Variants in ITGA9 observed in about 807,000 individuals in gnomAD.
ITGA9 encodes the protein integrin alpha-9.
A neutral mutation model predicts 127.8 loss-of-function variants in ITGA9; 56 were observed. That is an observed-to-expected ratio of 0.44 (90% confidence interval 0.35 to 0.55). The LOEUF is 0.55. Ranked by LOEUF, ITGA9 falls within the 20% of genes least tolerant of loss-of-function variation. The pLI is 0.00. For synonymous variants in ITGA9, 508 were observed against 514.5 expected (o/e 0.99, Z 0.17); for missense variants, 1,196 against 1,347.1 (o/e 0.89, Z 1.76).
chr3:37,645,941 C>A (rs552834599), intron 16 of ITGA9, among the ~76,000 whole-genome samples: 5 of 152,288 alleles, frequency 3.3e-5, no homozygotes, highest in African/African-American at 1.2e-4. Flanking sequence ...GGACACTGAG[C>A]TGCTATTTCT....
At chr3:37,676,849 C>G (rs1004811098) in intron 17 of ITGA9, among the ~76,000 whole-genome samples, 1 of 152,192 alleles carries the variant, frequency 6.6e-6, no homozygotes, top group African/African-American at 2.4e-5. Flanking sequence ...CTGCCCCTTT[C>G]CATGTTATTT....
At chr3:37,576,318 T>C (rs1312907536) in intron 15 of ITGA9, among the ~76,000 whole-genome samples, 1 of 152,242 alleles carries the variant, frequency 6.6e-6, no homozygotes, top group African/African-American at 2.4e-5. Flanking sequence ...GTAACTTTCC[T>C]GCAGATGCAC....
intron 1 of ITGA9, 144 bp from the exon 2 acceptor site, chr3:37,470,863 C>G: frequency 2.4e-6 from 2 of 819,188 alleles, no homozygotes; most frequent in African/African-American, 1.7e-5. Flanking sequence ...GACCTCTCCC[C>G]CAAGCCCACA....
intron 16 of ITGA9, among the ~76,000 whole-genome samples, chr3:37,636,500 T>G (rs955824388): frequency 6.6e-6 from 1 of 152,186 alleles, no homozygotes; most frequent in African/African-American, 2.4e-5. Context: ...TCTTGTAAAT[T>G]TGTTTGAGTT....
At chr3:37,741,702 G>A (rs142270045) in intron 20 of ITGA9, 28 bp from the exon 21 acceptor site, 30 of 1,583,650 alleles carry the variant, frequency 1.9e-5, no homozygotes, top group African/African-American at 4.0e-5. Context: ...GTTGGCCAGC[G>A]TTCATTCATT....
At chr3:37,781,208 A>G (rs1033980311) in intron 25 of ITGA9, among the ~76,000 whole-genome samples, 2 of 152,252 alleles carry the variant, frequency 1.3e-5, no homozygotes, top group Non-Finnish European at 2.9e-5. Flanking sequence ...ACAAGCACCC[A>G]GGTGATGCCA....
chr3:37,565,866 G>A (rs1000377484), intron 15 of ITGA9, among the ~76,000 whole-genome samples: 9 of 152,172 alleles, frequency 5.9e-5, no homozygotes, highest in Admixed American at 2.0e-4. Flanking sequence ...TGGGAGTGAC[G>A]TTGGGAACTG....
chr3:37,783,272 C>T (rs77765017), intron 25 of ITGA9, among the ~76,000 whole-genome samples: 10,234 of 152,112 alleles, frequency 0.067, 460 homozygotes, highest in African/African-American at 0.13. Flanking sequence ...TGGCCTGTAA[C>T]GTTGGCAATT....
intron 6 of ITGA9, among the ~76,000 whole-genome samples, chr3:37,505,789 T>G (rs1452204595): frequency 1.3e-5 from 2 of 152,230 alleles, no homozygotes; most frequent in Non-Finnish European, 2.9e-5. Flanking sequence ...CAGAAAGCCC[T>G]CTTTCCTGCC....
intron 23 of ITGA9, among the ~76,000 whole-genome samples, chr3:37,754,664 G>A (rs538770942): frequency 6.6e-6 from 1 of 152,128 alleles, no homozygotes; most frequent in Non-Finnish European, 1.5e-5. Flanking sequence ...TTGCCATAGG[G>A]TACCATTAGG....
intron 25 of ITGA9, among the ~76,000 whole-genome samples, chr3:37,781,248 T>A (rs1696973062): frequency 6.6e-6 from 1 of 152,236 alleles, no homozygotes. Context: ...TCGCTTTGGA[T>A]GAAGGTTGGC....
chr3:37,706,241 T>G (rs1021453386), intron 18 of ITGA9, among the ~76,000 whole-genome samples: 1 of 152,214 alleles, frequency 6.6e-6, no homozygotes, highest in African/African-American at 2.4e-5. Flanking sequence ...AAGCTATCAA[T>G]ATGCCCTCTC....
intron 15 of ITGA9, among the ~76,000 whole-genome samples, chr3:37,557,629 C>T (rs1699444125): frequency 6.6e-6 from 1 of 151,934 alleles, no homozygotes; most frequent in Admixed American, 6.6e-5. Context: ...GTATTAAGGG[C>T]TATGTAAATA....
At chr3:37,478,120 C>G (rs368792794) in intron 3 of ITGA9, among the ~76,000 whole-genome samples, 3 of 152,210 alleles carry the variant, frequency 2.0e-5, no homozygotes, top group Non-Finnish European at 2.9e-5. Flanking sequence ...TCCCAATGCC[C>G]CTCCTGGCCA....
chr3:37,811,743 G>A (rs945220352), intron 27 of ITGA9, among the ~76,000 whole-genome samples: 1 of 152,234 alleles, frequency 6.6e-6, no homozygotes, highest in Non-Finnish European at 1.5e-5. Context: ...AAAGGGAAGT[G>A]AGACTGCTTG....
chr3:37,797,379 T>C (rs1697186141), intron 26 of ITGA9, among the ~76,000 whole-genome samples: 1 of 152,024 alleles, frequency 6.6e-6, no homozygotes, highest in Non-Finnish European at 1.5e-5. Context: ...AAATGGGGGC[T>C]GAGTAGTCTG....
chr3:37,787,407 C>T (rs1184070076), intron 26 of ITGA9, among the ~76,000 whole-genome samples: 1 of 152,116 alleles, frequency 6.6e-6, no homozygotes, highest in African/African-American at 2.4e-5. Flanking sequence ...CCCAAAATAC[C>T]ACTTCCATTA....
At chr3:37,490,962 G>T (rs1698663887) in intron 4 of ITGA9, among the ~76,000 whole-genome samples, 1 of 130,062 alleles carries the variant, frequency 7.7e-6, no homozygotes, top group South Asian at 3.0e-4. Flanking sequence ...TCTCAGATTT[G>T]GCTTCCCCCC....
intron 21 of ITGA9, among the ~76,000 whole-genome samples, chr3:37,742,578 A>G (rs1696451422): frequency 6.6e-6 from 1 of 152,246 alleles, no homozygotes; most frequent in South Asian, 2.1e-4. Context: ...AGTGGAAAAA[A>G]GATTTACACA....
Sources: allele counts gnomAD v4.1 joint callset (sites outside exome capture counted in the v4.1 genomes callset), GRCh38; gene constraint gnomAD v4.1.1; transcripts MANE v1.5; gene names NCBI Gene and HGNC (gene_info 2026-07-23, HGNC 2026-07-21).